Variants in SPATA18 observed in about 807,000 individuals in gnomAD.
SPATA18 encodes mitochondria-eating protein.
In SPATA18, 54 loss-of-function variants were observed where a neutral mutation model predicts 68.1. That is an observed-to-expected ratio of 0.79 (90% confidence interval 0.64 to 0.99). The LOEUF is 0.99. Ranked by LOEUF, SPATA18 falls within the 50% of genes least tolerant of loss-of-function variation. The pLI is 0.00. For missense variants in SPATA18, 724 were observed against 681.1 expected (o/e 1.06, Z -0.70); for synonymous variants, 242 against 244.8 (o/e 0.99, Z 0.11).
chr4:52,055,746 A>G (rs552703592), intron 1 of SPATA18, among the ~76,000 whole-genome samples: 1 of 152,304 alleles, frequency 6.6e-6, no homozygotes, highest in African/African-American at 2.4e-5. Context: ...CTCCTCAGGC[A>G]AAGGCTTTCC....
chr4:52,075,346 G>T (rs1740246815), intron 6 of SPATA18, among the ~76,000 whole-genome samples: 1 of 152,168 alleles, frequency 6.6e-6, no homozygotes, highest in South Asian at 2.1e-4. Flanking sequence ...TGTAATTAGT[G>T]TGGTGCTGGC....
chr4:52,057,173 G>T (rs1320978996), intron 1 of SPATA18, among the ~76,000 whole-genome samples: 12 of 151,800 alleles, frequency 7.9e-5, no homozygotes, highest in Admixed American at 7.9e-4. Flanking sequence ...TTCACTGACT[G>T]CAGGCAACTT....
At chr4:52,091,178 G>T (rs1160055630) in intron 11 of SPATA18, among the ~76,000 whole-genome samples, 1 of 151,842 alleles carries the variant, frequency 6.6e-6, no homozygotes, top group Non-Finnish European at 1.5e-5. Flanking sequence ...ATTCTAGTTA[G>T]CAATTCGACT....
rs112398214 is a variant in SPATA18, at chr4:52,056,970, C to T, written c.88-3449C>T. 4.7e-4 allele frequency among the ~76,000 whole-genome samples: 72 copies of T among 152,268 alleles called. 2 individuals are homozygous for T. Among genetic ancestry groups the T allele is most frequent in the African/African-American group, 1.4e-3 (57 of 41,566 alleles). ...GTCTCTGGACCCTGTACTCACTTTC[C>T]GCTAATATGCCTTGGTGCCTTCTGT... On this transcript the variant is annotated intron_variant, in intron 1 of 12. Transcript: ENST00000295213.
In SPATA18 at chr4:52,051,654, G is replaced by T; in HGVS notation, c.-51G>T. On this transcript the variant is annotated 5_prime_UTR_variant, in exon 1 of 13. Coordinates refer to ENST00000295213, the MANE Select transcript of SPATA18 (RefSeq NM_145263.4). ...ACGGTCCTGCGGAGGCCACCGCCTGGTCCCCCCAAGTCTCCATCGCGCAGC... is the reference window on the plus strand; with the variant it reads ...ACGGTCCTGCGGAGGCCACCGCCTGTTCCCCCCAAGTCTCCATCGCGCAGC... 6.3e-7 allele frequency: 1 copy of T among 1,575,378 alleles called. No homozygotes were observed. The highest frequency in any genetic ancestry group is 8.7e-7 in the Non-Finnish European group (1 of 1,144,836).
At chr4:52,084,845 A>C (rs1293166140) in intron 10 of SPATA18, 71 bp from the exon 11 acceptor site, 4 of 1,407,406 alleles carry the variant, frequency 2.8e-6, no homozygotes, top group Non-Finnish European at 4.0e-6. Flanking sequence ...TGGGATATGC[A>C]TGTTGTTTTG....
chr4:52,055,295 T>C (rs2109402666), intron 1 of SPATA18, among the ~76,000 whole-genome samples: 1 of 152,358 alleles, frequency 6.6e-6, no homozygotes, highest in East Asian at 1.9e-4. Context: ...AAACTTCTTA[T>C]TCATTTCCCT....
chr4:52,083,823 C>G (rs1480841433), intron 10 of SPATA18, among the ~76,000 whole-genome samples: 1 of 150,810 alleles, frequency 6.6e-6, no homozygotes, highest in Non-Finnish European at 1.5e-5. Flanking sequence ...TCACTGCAAC[C>G]TCCGCCTCCC....
intron 6 of SPATA18, among the ~76,000 whole-genome samples, chr4:52,073,314 G>A (rs1386875882): frequency 2.6e-5 from 4 of 152,182 alleles, no homozygotes; most frequent in South Asian, 2.1e-4. Context: ...AGTTTCTTCT[G>A]TAAAACCTCC....
chr4:52,070,962 G>T (rs963782744), intron 5 of SPATA18, among the ~76,000 whole-genome samples: 1 of 151,192 alleles, frequency 6.6e-6, no homozygotes, highest in African/African-American at 2.4e-5. Context: ...GTTCTGATTT[G>T]GTCAGGAACA....
chr4:52,053,100 C>CT (rs991742217), intron 1 of SPATA18, among the ~76,000 whole-genome samples: 2,008 of 151,140 alleles, frequency 0.013, 40 homozygotes, highest in African/African-American at 0.044. Flanking sequence ...GTATTTACCC[C>CT]TTTTTTTTTG....
rs755595266 is a variant in SPATA18, at chr4:52,051,751, C to G, written c.47C>G (p.Thr16Arg). Residue 16 changes from threonine to arginine, a missense_variant, in exon 1 of 13, where the codon ACG becomes AGG. Physicochemically the swap from Thr to Arg is moderately conservative, Grantham distance 71. Transcript: ENST00000295213. ...KRLVSNETLR[T>R]LQEKLDFWLK... Reference sequence around the variant, plus strand: ...CTGGTCTCAAACGAAACTTTACGAACGTTGCAGGAAAAGCTAGACTTCTGG... The same window carrying G: ...CTGGTCTCAAACGAAACTTTACGAAGGTTGCAGGAAAAGCTAGACTTCTGG... 10 of 1,614,098 alleles carry G rather than the reference C, an allele frequency of 6.2e-6. No homozygotes were observed. The East Asian group carries it at 2.2e-4, about 36-fold the overall frequency.
At chr4:52,055,381 A>G (rs893876586) in intron 1 of SPATA18, among the ~76,000 whole-genome samples, 3 of 152,212 alleles carry the variant, frequency 2.0e-5, no homozygotes, top group Non-Finnish European at 4.4e-5. Context: ...TCTCATTGCC[A>G]ATACTAGTGA....
rs1742496026 is a variant in SPATA18, at chr4:52,097,206, A to G, written c.*2319A>G. The G allele has an allele frequency of 6.6e-6, 1 of 152,212 alleles. No individual in the cohort carries two copies. The highest frequency in any genetic ancestry group is 2.1e-4 in the South Asian group (1 of 4,834). 9.4% of individuals were successfully genotyped at this position (152,212 alleles called of 1,614,324 possible). Reference sequence around the variant, plus strand: ...GTAACCTGGGTAAATGTTAGTTTCTAGATTTTCGGCTTAACATCTAATAAT... The same window carrying G: ...GTAACCTGGGTAAATGTTAGTTTCTGGATTTTCGGCTTAACATCTAATAAT... On this transcript the variant is annotated 3_prime_UTR_variant, in exon 13 of 13. Transcript: ENST00000295213.
At chr4:52,082,218 T>A (rs1192285246) in intron 9 of SPATA18, among the ~76,000 whole-genome samples, 169 bp from the exon 10 acceptor site, 1 of 152,224 alleles carries the variant, frequency 6.6e-6, no homozygotes, top group Non-Finnish European at 1.5e-5. Flanking sequence ...GTCCCAGTTA[T>A]CATTAGTTCC....
Position 52,076,877 on chromosome 4 carries a change from C to CG in SPATA18, c.858dup (p.Ser287ValfsTer43). On this transcript the variant is annotated frameshift_variant, in exon 7 of 13. Coordinates refer to ENST00000295213, the MANE Select transcript of SPATA18 (RefSeq NM_145263.4). LOFTEE classifies it high-confidence loss of function. The stretch of plus-strand genomic sequence containing the variant: ...TCCACCGCTGTCAAGGTCAGGAGAC[C>CG]GTCCCCAAACCGCTCCAAGCTGTCC... 1 of 1,614,214 alleles carries CG rather than the reference C, an allele frequency of 6.2e-7. No homozygotes were observed. Among genetic ancestry groups the CG allele is most frequent in the Non-Finnish European group, 8.5e-7 (1 of 1,180,026 alleles).
chr4:52,078,570 G>A, intron 7 of SPATA18, 165 bp from the exon 8 acceptor site: 1 of 534,638 alleles, frequency 1.9e-6, no homozygotes, highest in East Asian at 2.9e-5. Context: ...ACTTTTCAAA[G>A]TTAGAGATGT....
At chr4:52,088,171 G>C (rs976423897) in intron 11 of SPATA18, among the ~76,000 whole-genome samples, 36 of 152,178 alleles carry the variant, frequency 2.4e-4, no homozygotes, top group African/African-American at 7.7e-4. Context: ...GAGGTTTTGG[G>C]CTGAGACGAT....
chr4:52,087,707 G>T (rs1307177079), intron 11 of SPATA18, among the ~76,000 whole-genome samples: 1 of 152,132 alleles, frequency 6.6e-6, no homozygotes, highest in Non-Finnish European at 1.5e-5. Flanking sequence ...GTAGCGTGAT[G>T]CCTCTAGCTT....
Sources: gnomAD v4.1 joint callset for allele counts (sites outside exome capture counted in the v4.1 genomes callset) on GRCh38, gnomAD v4.1.1 for gene constraint, MANE v1.5 for transcripts, NCBI Gene and HGNC (gene_info 2026-07-23, HGNC 2026-07-21) for gene names.